Variants in RAB38 observed in about 807,000 individuals in gnomAD.
RAB38 encodes the protein ras-related protein Rab-38.
RAB38 carries 15 observed loss-of-function variants against 18.4 expected under a neutral mutation model. The observed-to-expected ratio is 0.82, with a 90% CI of 0.55 to 1.26. The LOEUF (loss-of-function observed/expected upper bound fraction) is 1.26, where lower values mean the gene tolerates loss of function less well. Among genes scored for constraint, RAB38 ranks in the 50% most tolerant of loss-of-function variants. The probability of loss-of-function intolerance (pLI) is 0.00; values close to 1 mark genes in which losing one functional copy is unlikely to be tolerated. For synonymous variants in RAB38, 101 were observed against 104.4 expected, an observed-to-expected ratio of 0.97 and a Z score of 0.20; for missense variants, 294 against 267.4, an observed-to-expected ratio of 1.10 and a Z score of -0.69.
At chr11:88,174,812 C>CG (rs1231098657) in intron 1 of RAB38, among the ~76,000 whole-genome samples, 2 of 152,194 alleles carry the variant, frequency 1.3e-5, no homozygotes, top group African/African-American at 4.8e-5. Context: ...CGCCCCTGCA[C>CG]GGAAGGACGT....
chr11:87,926,952 T>G, the RAB38 span, among the ~76,000 whole-genome samples: 1 of 151,974 alleles, frequency 6.6e-6, no homozygotes, highest in Non-Finnish European at 1.5e-5. Flanking sequence ...ATCCAACAGT[T>G]CAGAGAGTCA....
At chr11:88,097,887 G>C in the RAB38 span, 1 of 151,882 alleles carries the variant, frequency 6.6e-6, no homozygotes, top group Non-Finnish European at 1.5e-5. Flanking sequence ...ATGGATTTCA[G>C]AATTGAATAC....
the RAB38 span, chr11:88,061,815 A>C: frequency 6.6e-6 from 1 of 152,146 alleles, no homozygotes; most frequent in Non-Finnish European, 1.5e-5. Flanking sequence ...CGGAGGTGTC[A>C]CTACAAGAAA....
chr11:88,161,043 G>A (rs1943184708), intron 1 of RAB38, among the ~76,000 whole-genome samples: 1 of 151,878 alleles, frequency 6.6e-6, no homozygotes, highest in African/African-American at 2.4e-5. Context: ...ACTATCAAAA[G>A]GTAAATCTTA....
the RAB38 span, among the ~76,000 whole-genome samples, chr11:88,050,965 G>T: frequency 6.6e-6 from 1 of 152,268 alleles, no homozygotes. Flanking sequence ...AGCAAAGGAG[G>T]GCTGGAATTA....
chr11:87,850,262 AT>A, the RAB38 span, among the ~76,000 whole-genome samples: 1 of 151,946 alleles, frequency 6.6e-6, no homozygotes, highest in Non-Finnish European at 1.5e-5. Flanking sequence ...CAGGAACATC[AT>A]TTTTTTCTAG....
At chr11:88,044,185 C>A in the RAB38 span, among the ~76,000 whole-genome samples, 1 of 152,184 alleles carries the variant, frequency 6.6e-6, no homozygotes, top group Non-Finnish European at 1.5e-5. Flanking sequence ...GGGACACCTG[C>A]CTGATTATTC....
the RAB38 span, among the ~76,000 whole-genome samples, chr11:87,885,148 C>A: frequency 6.6e-6 from 1 of 152,000 alleles, no homozygotes; most frequent in African/African-American, 2.4e-5. Flanking sequence ...GCTACGTAAT[C>A]AAAATGATAC....
intron 2 of RAB38, among the ~76,000 whole-genome samples, chr11:88,144,790 A>T (rs1942960778): frequency 6.6e-6 from 1 of 152,158 alleles, no homozygotes; most frequent in South Asian, 2.1e-4. Context: ...GGGATAGGGG[A>T]GCAAGAGCTG....
chr11:87,830,585 T>C, the RAB38 span, among the ~76,000 whole-genome samples: 1 of 152,064 alleles, frequency 6.6e-6, no homozygotes, highest in Admixed American at 6.6e-5. Context: ...TTATTTTATT[T>C]CCCACAACAA....
chr11:87,889,693 A>C, the RAB38 span, among the ~76,000 whole-genome samples: 1 of 151,866 alleles, frequency 6.6e-6, no homozygotes, highest in African/African-American at 2.4e-5. Context: ...AGCTAAATAG[A>C]AGTGTCAGGT....
rs35692180 is a variant in RAB38 at position 88,152,350 on chromosome 11, G to A, written c.203-2395C>T. On this transcript the variant is annotated intron_variant, in intron 1 of 2. Coordinates refer to ENST00000243662, the MANE Select transcript of RAB38 (RefSeq NM_022337.3). ...TTGCACTTTAAATATATGATAAAGAGTTATTTTAAGACCATACAAAAAGCA... is the reference window on the plus strand; with the variant it reads ...TTGCACTTTAAATATATGATAAAGAATTATTTTAAGACCATACAAAAAGCA... 9.0e-3 allele frequency among the ~76,000 whole-genome samples: 1,376 copies of A among 152,260 alleles called. 22 individuals carry two copies. The highest frequency in any genetic ancestry group is 0.032 in the African/African-American group (1,309 of 41,546).
chr11:87,863,983 C>T, the RAB38 span, among the ~76,000 whole-genome samples: 1 of 151,688 alleles, frequency 6.6e-6, no homozygotes, highest in Non-Finnish European at 1.5e-5. Flanking sequence ...CAAGGCTGAG[C>T]AGATGAACCT....
chr11:88,120,917 C>T (rs1165950354), intron 2 of RAB38, among the ~76,000 whole-genome samples: 4 of 152,156 alleles, frequency 2.6e-5, no homozygotes, highest in Non-Finnish European at 5.9e-5. Flanking sequence ...AGGAGGGGAA[C>T]TTAGGTATCA....
At chr11:87,936,495 A>AT in the RAB38 span, among the ~76,000 whole-genome samples, 1 of 151,988 alleles carries the variant, frequency 6.6e-6, no homozygotes, top group African/African-American at 2.4e-5. Flanking sequence ...TGTTCCATTG[A>AT]TTTATGTGCC....
chr11:88,057,660 T>C, the RAB38 span, among the ~76,000 whole-genome samples: 4 of 152,304 alleles, frequency 2.6e-5, no homozygotes, highest in African/African-American at 9.6e-5. Flanking sequence ...CTCGGAGGTC[T>C]TGTCTAGTGT....
At chr11:87,850,795 T>C in the RAB38 span, among the ~76,000 whole-genome samples, 1 of 151,530 alleles carries the variant, frequency 6.6e-6, no homozygotes, top group East Asian at 1.9e-4. Context: ...CTGAGACCCA[T>C]CAAAGTGTTA....
At chr11:88,136,748 T>C (rs1942840821) in intron 2 of RAB38, among the ~76,000 whole-genome samples, 1 of 152,212 alleles carries the variant, frequency 6.6e-6, no homozygotes, top group African/African-American at 2.4e-5. Flanking sequence ...TGGAAAATAG[T>C]AGGGCTAATT....
At chr11:87,927,005 T>C in the RAB38 span, among the ~76,000 whole-genome samples, 3 of 152,042 alleles carry the variant, frequency 2.0e-5, no homozygotes, top group African/African-American at 7.2e-5. Context: ...CATGTGGACT[T>C]GCATCTGTAT....
Sources: allele counts gnomAD v4.1 joint callset (sites outside exome capture counted in the v4.1 genomes callset), GRCh38; gene constraint gnomAD v4.1.1; transcripts MANE v1.5; gene names NCBI Gene and HGNC (gene_info 2026-07-23, HGNC 2026-07-21).